Variants in TNIK observed in about 807,000 individuals in gnomAD.
TNIK encodes the protein TRAF2 and NCK-interacting protein kinase.
A neutral mutation model predicts 191.3 loss-of-function variants in TNIK; 49 were observed. The ratio of observed to expected loss-of-function variants is 0.26; its 90% confidence interval spans 0.20 to 0.32. TNIK has a LOEUF of 0.32. Ranked by LOEUF, TNIK falls within the 10% of genes least tolerant of loss-of-function variation. The probability of loss-of-function intolerance (pLI) is 1.00; values close to 1 mark genes in which losing one functional copy is unlikely to be tolerated. For synonymous variants in TNIK, 594 were observed against 600.9 expected, an observed-to-expected ratio of 0.99 and a Z score of 0.17; for missense variants, 1,155 against 1,702.3, an observed-to-expected ratio of 0.68 and a Z score of 5.66.
intron 2 of TNIK, among the ~76,000 whole-genome samples, chr3:171,254,402 G>A (rs1746600666): frequency 6.6e-6 from 1 of 152,216 alleles, no homozygotes; most frequent in Non-Finnish European, 1.5e-5. Context: ...GAGCAGTGGA[G>A]AATGCAGTTT....
At chr3:171,070,556 CT>C (rs1439295890) in intron 29 of TNIK, among the ~76,000 whole-genome samples, 1 of 152,140 alleles carries the variant, frequency 6.6e-6, no homozygotes, top group Non-Finnish European at 1.5e-5. Flanking sequence ...ATCTGGGTGC[CT>C]GTAAGTACTG....
intron 32 of TNIK, among the ~76,000 whole-genome samples, chr3:171,064,402 C>T (rs905168821): frequency 2.6e-5 from 4 of 152,188 alleles, no homozygotes; most frequent in African/African-American, 9.6e-5. Context: ...CCTTCAAATT[C>T]TCAAAGTCAA....
chr3:171,456,719 G>A (rs1728836087), intron 1 of TNIK, among the ~76,000 whole-genome samples: 1 of 152,162 alleles, frequency 6.6e-6, no homozygotes, highest in African/African-American at 2.4e-5. Context: ...TGTATCACAA[G>A]CTTACTTGCA....
At chr3:171,383,591 T>G (rs1288643633) in intron 1 of TNIK, among the ~76,000 whole-genome samples, 1 of 152,238 alleles carries the variant, frequency 6.6e-6, no homozygotes, top group Non-Finnish European at 1.5e-5. Flanking sequence ...ACAATGCTTC[T>G]TTTAAGAAGA....
intron 7 of TNIK, among the ~76,000 whole-genome samples, chr3:171,181,986 G>A (rs930038631): frequency 2.6e-5 from 4 of 152,080 alleles, no homozygotes; most frequent in Non-Finnish European, 4.4e-5. Context: ...GAAAAAATAT[G>A]TACTTTATTT....
At chr3:171,121,894 C>T (rs960252235) in intron 18 of TNIK, among the ~76,000 whole-genome samples, 3 of 152,122 alleles carry the variant, frequency 2.0e-5, no homozygotes, top group African/African-American at 7.2e-5. Flanking sequence ...CCCCCACCCC[C>T]AATCTCTGTC....
chr3:171,251,391 A>T (rs1746205638), intron 2 of TNIK, among the ~76,000 whole-genome samples: 1 of 152,188 alleles, frequency 6.6e-6, no homozygotes, highest in Admixed American at 6.5e-5. Flanking sequence ...TTGGGTAATG[A>T]TCTTGGATGA....
chr3:171,251,861 G>C (rs1746261098), intron 2 of TNIK, among the ~76,000 whole-genome samples: 1 of 152,072 alleles, frequency 6.6e-6, no homozygotes, highest in Non-Finnish European at 1.5e-5. Context: ...TTCTAAACGG[G>C]TAAGGAAGGT....
chr3:171,094,687 T>C (rs1722495548), intron 22 of TNIK, among the ~76,000 whole-genome samples: 1 of 152,152 alleles, frequency 6.6e-6, no homozygotes, highest in Non-Finnish European at 1.5e-5. Flanking sequence ...GAAAGTTCTT[T>C]CCACTCTGGC....
At chr3:171,209,635 A>C (rs1740541346) in intron 4 of TNIK, among the ~76,000 whole-genome samples, 1 of 152,080 alleles carries the variant, frequency 6.6e-6, no homozygotes, top group Non-Finnish European at 1.5e-5. Flanking sequence ...ATACATTTAG[A>C]GGCCACAATT....
chr3:171,406,536 C>T (rs1721711348), intron 1 of TNIK, among the ~76,000 whole-genome samples: 1 of 152,174 alleles, frequency 6.6e-6, no homozygotes, highest in African/African-American at 2.4e-5. Context: ...CTCAAGCCAT[C>T]CTCCTGCCTC....
chr3:171,164,463 A>C (rs1734369863), intron 10 of TNIK, among the ~76,000 whole-genome samples: 1 of 152,186 alleles, frequency 6.6e-6, no homozygotes, highest in Non-Finnish European at 1.5e-5. Context: ...AAGCATTTTA[A>C]ATGCATTACC....
intron 4 of TNIK, among the ~76,000 whole-genome samples, chr3:171,196,447 C>T (rs535544730): frequency 2.0e-5 from 3 of 152,266 alleles, no homozygotes; most frequent in South Asian, 2.1e-4. Context: ...TGAACCTGAT[C>T]AGGCCTCTAG....
chr3:171,279,233 T>G (rs4894723), intron 2 of TNIK, among the ~76,000 whole-genome samples: 2 of 152,168 alleles, frequency 1.3e-5, no homozygotes, highest in Non-Finnish European at 2.9e-5. Context: ...TCTGAAGATA[T>G]CTACCAAGAC....
chr3:171,336,543 TAACA>T (rs1024726472), intron 2 of TNIK, among the ~76,000 whole-genome samples: 12 of 152,316 alleles, frequency 7.9e-5, no homozygotes, highest in Admixed American at 7.2e-4. Context: ...AGGAAAGGCC[TAACA>T]GTCTAAGAAC....
At chr3:171,392,905 T>A (rs1719754209) in intron 1 of TNIK, among the ~76,000 whole-genome samples, 1 of 151,822 alleles carries the variant, frequency 6.6e-6, no homozygotes, top group African/African-American at 2.4e-5. Flanking sequence ...AAAAGAGTAA[T>A]AATCCTTGGT....
At chr3:171,353,883 T>A (rs1033672794) in intron 2 of TNIK, among the ~76,000 whole-genome samples, 5 of 152,230 alleles carry the variant, frequency 3.3e-5, no homozygotes, top group Non-Finnish European at 1.5e-5. Context: ...GTCCTGGTAC[T>A]TCTTCAGAGT....
chr3:171,420,588 T>C (rs987395168), intron 1 of TNIK, among the ~76,000 whole-genome samples: 12 of 152,174 alleles, frequency 7.9e-5, no homozygotes, highest in Non-Finnish European at 1.6e-4. Flanking sequence ...CTGAACCCTA[T>C]ATACACAATT....
chr3:171,264,189 CTT>C (rs1748093107), intron 2 of TNIK, among the ~76,000 whole-genome samples: 2 of 149,952 alleles, frequency 1.3e-5, no homozygotes, highest in Non-Finnish European at 1.5e-5. Flanking sequence ...AATAATGGCT[CTT>C]GTCAGAAATA....
Sources: allele counts gnomAD v4.1 joint callset (sites outside exome capture counted in the v4.1 genomes callset), GRCh38; gene constraint gnomAD v4.1.1; transcripts MANE v1.5; gene names NCBI Gene and HGNC (gene_info 2026-07-23, HGNC 2026-07-21).